GPM6A: variants seen among roughly 807,000 people sequenced by gnomAD.
GPM6A encodes the protein glycoprotein M6A, also known as neuronal membrane glycoprotein M6-a.
A neutral mutation model predicts 32.1 loss-of-function variants in GPM6A; 7 were observed. That is an observed-to-expected ratio of 0.22 (90% CI 0.12 to 0.41). The LOEUF (loss-of-function observed/expected upper bound fraction) is 0.41. Among genes scored for constraint, GPM6A ranks in the 10% least tolerant of loss-of-function variants. GPM6A has a pLI of 1.00. For missense variants in GPM6A, 235 were observed against 347.2 expected (o/e 0.68, Z 2.57); for synonymous variants, 130 against 123.4 (o/e 1.05, Z -0.35).
At chr4:175,997,107 C>A (rs1741332879) in intron 1 of GPM6A, among the ~76,000 whole-genome samples, 1 of 152,084 alleles carries the variant, frequency 6.6e-6, no homozygotes, top group African/African-American at 2.4e-5. Flanking sequence ...TCTTGGACGA[C>A]CAGTCCAATC....
At chr4:175,988,608 T>C (rs1356052576) in intron 1 of GPM6A, among the ~76,000 whole-genome samples, 1 of 152,196 alleles carries the variant, frequency 6.6e-6, no homozygotes, top group African/African-American at 2.4e-5. Flanking sequence ...ACTGGCTATT[T>C]CAGTCCTTAG....
chr4:175,691,095 T>G (rs1744271909), intron 2 of GPM6A, among the ~76,000 whole-genome samples: 1 of 152,232 alleles, frequency 6.6e-6, no homozygotes, highest in Non-Finnish European at 1.5e-5. Context: ...TATATAAAGT[T>G]AATAGAATAC....
intron 2 of GPM6A, among the ~76,000 whole-genome samples, chr4:175,689,197 C>A (rs1413221155): frequency 1.3e-5 from 2 of 152,086 alleles, no homozygotes; most frequent in African/African-American, 4.8e-5. Flanking sequence ...ATTTGGAGCC[C>A]TTTGTGATTC....
intron 1 of GPM6A, among the ~76,000 whole-genome samples, chr4:175,840,770 A>G (rs988068572): frequency 6.6e-6 from 1 of 152,202 alleles, no homozygotes; most frequent in Non-Finnish European, 1.5e-5. Flanking sequence ...TGATAATTCA[A>G]TGATATATCC....
intron 1 of GPM6A, among the ~76,000 whole-genome samples, chr4:175,810,463 C>T (rs779675197): frequency 3.9e-5 from 6 of 152,122 alleles, no homozygotes; most frequent in Admixed American, 6.5e-5. Context: ...CCCACTGTGA[C>T]AGAAATCTTC....
chr4:175,638,280 C>G (rs1027641740), intron 6 of GPM6A, among the ~76,000 whole-genome samples: 4 of 151,814 alleles, frequency 2.6e-5, no homozygotes, highest in Non-Finnish European at 5.9e-5. Context: ...GTACCAGGAA[C>G]AGTAGCAGTA....
intron 1 of GPM6A, among the ~76,000 whole-genome samples, chr4:175,924,677 T>A (rs1398144557): frequency 6.6e-6 from 1 of 151,982 alleles, no homozygotes; most frequent in Admixed American, 6.6e-5. Context: ...CCGTCTCTAC[T>A]AAAAATACAA....
At chr4:175,703,983 C>A (rs1745020504) in intron 1 of GPM6A, among the ~76,000 whole-genome samples, 1 of 152,064 alleles carries the variant, frequency 6.6e-6, no homozygotes, top group South Asian at 2.1e-4. Flanking sequence ...AAACAAATGA[C>A]AAACAAGATT....
At chr4:175,937,476 T>C (rs1739277260) in intron 1 of GPM6A, among the ~76,000 whole-genome samples, 1 of 152,146 alleles carries the variant, frequency 6.6e-6, no homozygotes, top group African/African-American at 2.4e-5. Context: ...GTGACTCAAT[T>C]CATGTCATAA....
intron 1 of GPM6A, among the ~76,000 whole-genome samples, chr4:175,929,758 G>C (rs1300354651): frequency 1.3e-5 from 2 of 152,120 alleles, no homozygotes; most frequent in East Asian, 3.8e-4. Flanking sequence ...CTAACATGTT[G>C]ATGCTTTCAG....
intron 1 of GPM6A, among the ~76,000 whole-genome samples, chr4:175,913,230 T>C (rs1158435393): frequency 6.6e-6 from 1 of 152,184 alleles, no homozygotes; most frequent in Non-Finnish European, 1.5e-5. Flanking sequence ...TACAGGAAAA[T>C]TCACATCTAT....
chr4:175,889,220 A>C (rs890509257), intron 1 of GPM6A, among the ~76,000 whole-genome samples: 1 of 152,208 alleles, frequency 6.6e-6, no homozygotes, highest in Admixed American at 6.5e-5. Flanking sequence ...TGTCATTAGA[A>C]TAGAATAGTA....
At chr4:175,687,031 T>A (rs1259932653) in intron 2 of GPM6A, among the ~76,000 whole-genome samples, 1 of 152,214 alleles carries the variant, frequency 6.6e-6, no homozygotes, top group Non-Finnish European at 1.5e-5. Context: ...AGTGTATAGA[T>A]ATATTGAAGT....
chr4:175,669,663 AT>A (rs1424350940), intron 3 of GPM6A, among the ~76,000 whole-genome samples: 1 of 152,210 alleles, frequency 6.6e-6, no homozygotes, highest in African/African-American at 2.4e-5. Context: ...ATGGAAGAAC[AT>A]TACTGTTATC....
At chr4:175,728,978 G>A (rs1270351472) in intron 1 of GPM6A, among the ~76,000 whole-genome samples, 1 of 152,178 alleles carries the variant, frequency 6.6e-6, no homozygotes, top group Non-Finnish European at 1.5e-5. Flanking sequence ...GATCTACACT[G>A]GCTCTAAGTG....
rs75909574 is a variant in GPM6A, at chr4:175,715,716, T to G, written c.38-13949A>C. 8.4e-3 allele frequency among the ~76,000 whole-genome samples: 1,271 copies of G among 150,572 alleles called. 19 individuals carry two copies. Among genetic ancestry groups the G allele is most frequent in the African/African-American group, 0.03 (1,208 of 40,930 alleles). ...TGCAATGTACTGTTTATCTTACTATTGACTTTTTTTTTTTTTGAATCTCTT... is the reference window on the plus strand; with the variant it reads ...TGCAATGTACTGTTTATCTTACTATGGACTTTTTTTTTTTTTGAATCTCTT... On this transcript the variant is annotated intron_variant, in intron 1 of 6. Transcript: ENST00000393658.
intron 1 of GPM6A, among the ~76,000 whole-genome samples, chr4:175,795,038 C>T (rs1467162639): frequency 1.3e-5 from 2 of 152,188 alleles, no homozygotes; most frequent in Non-Finnish European, 2.9e-5. Context: ...TAGTCGATTA[C>T]ATTACTGAGT....
chr4:175,803,735 C>A (rs1334193495), intron 1 of GPM6A, among the ~76,000 whole-genome samples: 2 of 152,082 alleles, frequency 1.3e-5, no homozygotes, highest in Non-Finnish European at 2.9e-5. Flanking sequence ...CACAGGTCAT[C>A]TGATTGGGAA....
At chr4:175,829,627 A>G (rs923356591) in intron 1 of GPM6A, among the ~76,000 whole-genome samples, 37 of 146,342 alleles carry the variant, frequency 2.5e-4, no homozygotes, top group African/African-American at 8.7e-4. Flanking sequence ...CAGAAAAACT[A>G]CCAAAATAAG....
Sources: gnomAD v4.1 joint callset for allele counts (sites outside exome capture counted in the v4.1 genomes callset) on GRCh38, gnomAD v4.1.1 for gene constraint, MANE v1.5 for transcripts, NCBI Gene and HGNC (gene_info 2026-07-23, HGNC 2026-07-21) for gene names.